Variants in YIPF2 observed in about 807,000 individuals in gnomAD.
YIPF2 encodes the protein Yip1 domain family member 2.
Under a neutral mutation model 38.8 loss-of-function variants are expected in YIPF2, and 30 were observed. The ratio of observed to expected loss-of-function variants is 0.77; its 90% CI spans 0.58 to 1.05. YIPF2 has a LOEUF of 1.05. Ranked by LOEUF, YIPF2 falls within the 50% of genes least tolerant of loss-of-function variation. The pLI is 0.00. For synonymous variants in YIPF2, 194 were observed against 183.8 expected, an observed-to-expected ratio of 1.06 and a Z score of -0.45; for missense variants, 401 against 409.7, an observed-to-expected ratio of 0.98 and a Z score of 0.18.
In YIPF2 at chr19:10,928,452, G is replaced by C; in HGVS notation, c.-30-12C>G. ...CTCCGCATCCCTCGCTGAGGACAGA[G>C]ACCGGTCAGGCACACTTCCCCCCCG... On this transcript the variant is annotated splice_polypyrimidine_tract_variant and intron_variant, in intron 1 of 9. Transcript: ENST00000586748. The C allele has an allele frequency of 7.4e-6, 10 of 1,358,420 alleles. No homozygotes were observed. Among genetic ancestry groups the C allele is most frequent in the Non-Finnish European group, 9.5e-6 (10 of 1,053,298 alleles). The allele number at this position is 1,358,420 out of a possible 1,614,324, so 84.1% of individuals were successfully genotyped here.
intron 5 of YIPF2, 95 bp downstream of exon 5, chr19:10,925,591 T>C: frequency 7.0e-7 from 1 of 1,425,704 alleles, no homozygotes; most frequent in Non-Finnish European, 9.7e-7. Context: ...ACTGTCTGAG[T>C]GACTGATTTG....
intron 9 of YIPF2, 41 bp from the exon 10 acceptor site, chr19:10,923,215 C>T (rs554103980): frequency 5.9e-5 from 85 of 1,434,876 alleles, no homozygotes; most frequent in African/African-American, 5.7e-5. Flanking sequence ...CAGAACCTCT[C>T]GCCTTGACTG....
intron 4 of YIPF2, among the ~76,000 whole-genome samples, chr19:10,926,128 C>G (rs1446422807): frequency 1.3e-5 from 2 of 151,956 alleles, no homozygotes; most frequent in Non-Finnish European, 2.9e-5. Flanking sequence ...CCAGGCTGGT[C>G]TCGAACTCCT....
At chr19:10,927,068 C>T (rs2083436843) in intron 4 of YIPF2, among the ~76,000 whole-genome samples, 1 of 151,770 alleles carries the variant, frequency 6.6e-6, no homozygotes, top group South Asian at 2.1e-4. Flanking sequence ...GACGGGGTTT[C>T]ACCATGTTTG....
chr19:10,923,865 C>G lies in YIPF2; in HGVS notation c.619G>C (p.Gly207Arg), dbSNP rs767575859. The G allele has an allele frequency of 1.9e-6, 3 of 1,613,250 alleles. No individual in the cohort carries two copies. The South Asian group carries it at 3.3e-5, about 18-fold the overall frequency. The change falls in exon 7 of 10, where the codon GGC (glycine) becomes CGC (arginine). Residue 207 changes from glycine (G) to arginine (R), a missense_variant. By Grantham distance (125) the Gly-to-Arg change is moderately radical (BLOSUM62 -2). Coordinates refer to ENST00000586748, the MANE Select transcript of YIPF2 (RefSeq NM_001321439.2). ...GGGATGAAGACAAAGAGGGAGTAGC[C>G]GTAGATGCACACAGTCTCCAGGAAG... Reference protein sequence around the residue: ...YTFLETVCIYGYSLFVFIPMV... With the variant: ...YTFLETVCIYRYSLFVFIPMV...
In YIPF2 at chr19:10,923,381, C is replaced by T. The variant is rs749479280; in HGVS notation, c.861G>A (p.Pro287=). 1.3e-5 allele frequency: 21 copies of T among 1,613,476 alleles called. No individual in the cohort carries two copies. Among genetic ancestry groups the T allele is most frequent in the Admixed American group, 1.0e-4 (6 of 59,916 alleles). ...CKLYFFQSLP[P]ENVAPPPQIT... The stretch of plus-strand genomic sequence containing the variant: ...TTTGGGGTGGAGGAGCCACGTTCTC[C>T]GGAGGCAGCGACTGGAAGAAGTACA... The change falls in exon 9 of 10, where the codon CCG becomes CCA. Residue 287 remains proline, a synonymous_variant. Coordinates refer to ENST00000586748, the MANE Select transcript of YIPF2 (RefSeq NM_001321439.2).
In YIPF2 at chr19:10,923,654, A is replaced by G. The variant is rs1374170916; in HGVS notation, c.675T>C (p.Pro225=). The change falls in exon 8 of 10, where the codon CCT becomes CCC. Residue 225 remains proline (P), a synonymous_variant. Transcript: ENST00000586748. The part of the protein sequence containing the change: ...PMVVLWLIPV[P]WLQWLFGALA... Reference sequence around the variant, plus strand: ...GCGCCCCAAAGAGCCACTGCAGCCAAGGCACAGGGATGAGCCACAGGACCT... The same window carrying G: ...GCGCCCCAAAGAGCCACTGCAGCCAGGGCACAGGGATGAGCCACAGGACCT... 6.2e-7 allele frequency: 1 copy of G among 1,611,004 alleles called. No homozygotes were observed. Among genetic ancestry groups the G allele is most frequent in the Non-Finnish European group, 8.5e-7 (1 of 1,178,062 alleles).
rs781426896 is a variant in YIPF2 at position 10,923,861 on chromosome 19, TAGCCGTAGATGC to T, written c.611_622del (p.Cys204_Gly207del). ...CATGGGGATGAAGACAAAGAGGGAGTAGCCGTAGATGCACACAGTCTCCAGGAAGGTGTAGGG... is the reference window on the plus strand; with the variant it reads ...CATGGGGATGAAGACAAAGAGGGAGTACACAGTCTCCAGGAAGGTGTAGGG... On this transcript the variant is annotated inframe_deletion, in exon 7 of 10. Transcript: ENST00000586748. The T allele has an allele frequency of 6.2e-7, 1 of 1,612,904 alleles. No homozygotes were observed. Among genetic ancestry groups the T allele is most frequent in the Admixed American group, 1.7e-5 (1 of 59,848 alleles).
Position 10,925,786 on chromosome 19 carries a change from C to T in YIPF2, c.280-13G>A. On this transcript the variant is annotated splice_polypyrimidine_tract_variant and intron_variant, in intron 4 of 9. Transcript: ENST00000586748. ...TCCGGTCCAGGACCTGGGGGCAAGG[C>T]CAAGGTCAAGGATGGAAGTCTGCCA... 2 of 1,612,966 alleles carry T rather than the reference C, an allele frequency of 1.2e-6. No individual in the cohort carries two copies. Among genetic ancestry groups the T allele is most frequent in the Non-Finnish European group, 1.7e-6 (2 of 1,179,788 alleles).
At position 10,928,476 on chromosome 19, in the gene YIPF2, C is replaced by G. The variant is rs532852112; in HGVS notation, c.-31+35G>C. On this transcript the variant is annotated intron_variant, in intron 1 of 9. Transcript: ENST00000586748. The stretch of plus-strand genomic sequence containing the variant: ...AGACCGGTCAGGCACACTTCCCCCC[C>G]GCCCCCGAGCCGGTCCCTCGGCCCC... 1.7e-5 allele frequency: 23 copies of G among 1,356,116 alleles called. No individual in the cohort carries two copies. The South Asian group carries it at 2.0e-4, about 12-fold the overall frequency. The allele number at this position is 1,356,116 out of a possible 1,614,324, so 84.0% of individuals were successfully genotyped here. A position where few individuals can be genotyped will look rare whatever the true frequency, so the allele number is the denominator to read the frequency against.
chr19:10,926,020 C>G (rs2083419649), intron 4 of YIPF2, among the ~76,000 whole-genome samples: 1 of 151,136 alleles, frequency 6.6e-6, no homozygotes, highest in East Asian at 1.9e-4. Context: ...AAGCAATTCT[C>G]CTACCTCAGC....
chr19:10,928,036 C>A, intron 2 of YIPF2, 77 bp from the exon 3 acceptor site: 2 of 1,540,472 alleles, frequency 1.3e-6, no homozygotes, highest in Non-Finnish European at 8.8e-7. Context: ...TAAACCGATG[C>A]TCATCTGGGG....
intron 5 of YIPF2, among the ~76,000 whole-genome samples, chr19:10,924,750 A>G (rs1170799126): frequency 6.6e-6 from 1 of 150,812 alleles, no homozygotes; most frequent in East Asian, 2.0e-4. Flanking sequence ...CTCCGCTCCT[A>G]ACCTCCCACT....
chr19:10,927,735 C>T lies in YIPF2; in HGVS notation c.193-19G>A. 1 of 1,612,558 alleles carries T rather than the reference C, an allele frequency of 6.2e-7. No homozygotes were observed. The highest frequency in any genetic ancestry group is 1.1e-5 in the South Asian group (1 of 91,034). ...GCAGGAGCTGCACATTGCGGGCATT[C>T]AGTGCCTGCCCGGAGAGCCTGGGTC... On this transcript the variant is annotated intron_variant, in intron 3 of 9. Transcript: ENST00000586748.
Position 10,923,540 on chromosome 19 carries a change from C to T in YIPF2, c.789G>A (p.Leu263=). Reference sequence around the variant, plus strand: ...GGGCGTGGAGCAGCACGACCACGGACAGCAGCACTGTGGCCACCAGCCTGG... The same window carrying T: ...GGGCGTGGAGCAGCACGACCACGGATAGCAGCACTGTGGCCACCAGCCTGG... ...EDTRLVATVL[L]SVVVLLHALL... Residue 263 remains leucine, a synonymous_variant, in exon 8 of 10, where the codon CTG becomes CTA. Transcript: ENST00000586748. 1 of 1,612,674 alleles carries T rather than the reference C, an allele frequency of 6.2e-7. No individual in the cohort carries two copies. The highest frequency in any genetic ancestry group is 8.5e-7 in the Non-Finnish European group (1 of 1,179,778).
At position 10,923,947 on chromosome 19, in the gene YIPF2, G is replaced by C. The variant is rs778316688; in HGVS notation, c.537C>G (p.Ala179=). The C allele has an allele frequency of 1.9e-6, 3 of 1,613,426 alleles. No individual in the cohort carries two copies. The highest frequency in any genetic ancestry group is 2.5e-6 in the Non-Finnish European group (3 of 1,179,776). The part of the protein sequence containing the change: ...IYCYAWLVPL[A]LWGFLRWRKG... ...TGCGCCACCGCAGGAAGCCCCACAGGGCCAGGGGCACCAGCCACGCATAGC... is the reference window on the plus strand; with the variant it reads ...TGCGCCACCGCAGGAAGCCCCACAGCGCCAGGGGCACCAGCCACGCATAGC... The change falls in exon 7 of 10, where the codon GCC becomes GCG. Residue 179 remains alanine (A), a synonymous_variant. Transcript: ENST00000586748.
At chr19:10,927,737 G>A (rs563349006) in intron 3 of YIPF2, 21 bp from the exon 4 acceptor site, 2 of 1,612,474 alleles carry the variant, frequency 1.2e-6, no homozygotes, top group Non-Finnish European at 1.7e-6. Flanking sequence ...CGGGCATTCA[G>A]TGCCTGCCCG....
chr19:10,926,064 C>CCG (rs2083420233), intron 4 of YIPF2, among the ~76,000 whole-genome samples: 1 of 151,936 alleles, frequency 6.6e-6, no homozygotes, highest in African/African-American at 2.4e-5. Context: ...GCGTGTGCCA[C>CCG]CACGCCTGGC....
At position 10,928,501 on chromosome 19, in the gene YIPF2, C is replaced by A; in HGVS notation, c.-31+10G>T. 1 of 1,348,136 alleles carries A rather than the reference C, an allele frequency of 7.4e-7. No individual in the cohort carries two copies. Among genetic ancestry groups the A allele is most frequent in the Non-Finnish European group, 9.6e-7 (1 of 1,045,372 alleles). The allele number at this position is 1,348,136 out of a possible 1,614,324, so 83.5% of individuals were successfully genotyped here. On this transcript the variant is annotated intron_variant, in intron 1 of 9. Transcript: ENST00000586748. The stretch of plus-strand genomic sequence containing the variant: ...CGCCCCCGAGCCGGTCCCTCGGCCC[C>A]CAGCCCTACCTGGCGACCAACTGCA...
Sources: gnomAD v4.1 joint callset for allele counts (sites outside exome capture counted in the v4.1 genomes callset) on GRCh38, gnomAD v4.1.1 for gene constraint, MANE v1.5 for transcripts, NCBI Gene and HGNC (gene_info 2026-07-23, HGNC 2026-07-21) for gene names.